The following ROBO2 variants were observed in gnomAD, a reference collection of about 807,000 sequenced individuals.
ROBO2 encodes roundabout homolog 2.
Under a neutral mutation model 160.8 loss-of-function variants are expected in ROBO2, and 53 were observed. The observed-to-expected ratio is 0.33, with a 90% confidence interval of 0.26 to 0.41. The LOEUF is 0.41. Ranked by LOEUF, ROBO2 falls within the 10% of genes least tolerant of loss-of-function variation. ROBO2 has a pLI of 1.00. For missense variants in ROBO2, 1,577 were observed against 1,722.4 expected, an observed-to-expected ratio of 0.92 and a Z score of 1.49; for synonymous variants, 664 against 611.7, an observed-to-expected ratio of 1.09 and a Z score of -1.26.
At chr3:77,361,668 G>A (rs2070018379) in intron 2 of ROBO2, among the ~76,000 whole-genome samples, 1 of 152,032 alleles carries the variant, frequency 6.6e-6, no homozygotes, top group Non-Finnish European at 1.5e-5. Context: ...CTTTTATAAG[G>A]ACACCCATTC....
At chr3:76,587,616 C>T (rs1440981011) in intron 2 of ROBO2, among the ~76,000 whole-genome samples, 1 of 152,170 alleles carries the variant, frequency 6.6e-6, no homozygotes, top group Non-Finnish European at 1.5e-5. Context: ...TCAATTATCT[C>T]CACCTGGTCC....
intron 2 of ROBO2, among the ~76,000 whole-genome samples, chr3:76,464,100 G>A (rs551258607): frequency 6.6e-6 from 1 of 152,094 alleles, no homozygotes; most frequent in Non-Finnish European, 1.5e-5. Flanking sequence ...TCACAGTCTG[G>A]TGCCTCTCAC....
Position 76,680,534 on chromosome 3 carries a change from TGCCAAAA to T in ROBO2, c.110-417477_110-417471del, listed in dbSNP as rs137927291. Among the ~76,000 whole-genome samples the T allele has an allele frequency of 6.8e-3, 1,039 of 152,186 alleles. 8 individuals are homozygous for T. The highest frequency in any genetic ancestry group is 0.023 in the African/African-American group (972 of 41,546). On this transcript the variant is annotated intron_variant, in intron 2 of 26. Transcript: ENST00000487694. ...ACAAATGCAGGAGAAGGTAGGCTGA[TGCCAAAA>T]GCTAGCATGTTTGGTGTCAACAGGT...
chr3:76,602,508 G>A (rs1211868115), intron 2 of ROBO2, among the ~76,000 whole-genome samples: 1 of 152,226 alleles, frequency 6.6e-6, no homozygotes, highest in Admixed American at 6.5e-5. Context: ...ATGGTGGAAG[G>A]TGAAAGACCC....
chr3:76,614,871 G>T (rs1005967716), intron 2 of ROBO2, among the ~76,000 whole-genome samples: 2 of 152,066 alleles, frequency 1.3e-5, no homozygotes, highest in African/African-American at 4.8e-5. Flanking sequence ...ACAAATCGGG[G>T]TGACATAGGA....
intron 2 of ROBO2, among the ~76,000 whole-genome samples, chr3:76,767,631 G>T (rs987540311): frequency 6.6e-6 from 1 of 151,458 alleles, no homozygotes; most frequent in Non-Finnish European, 1.5e-5. Context: ...AAAGAAAAGT[G>T]CATACAAAAG....
chr3:76,333,723 G>A (rs539003669), intron 2 of ROBO2, among the ~76,000 whole-genome samples: 1 of 152,032 alleles, frequency 6.6e-6, no homozygotes, highest in Non-Finnish European at 1.5e-5. Context: ...TGGTGTATAT[G>A]TGCCACATTT....
chr3:76,188,550 T>C (rs1182031410), intron 2 of ROBO2, among the ~76,000 whole-genome samples: 2 of 152,102 alleles, frequency 1.3e-5, no homozygotes, highest in Non-Finnish European at 2.9e-5. Context: ...ACTTCTACCC[T>C]CTAGAGTTGT....
At chr3:77,104,869 A>G (rs1248752753) in intron 2 of ROBO2, among the ~76,000 whole-genome samples, 2 of 152,182 alleles carry the variant, frequency 1.3e-5, no homozygotes, top group African/African-American at 2.4e-5. Flanking sequence ...TATGGAAACA[A>G]CGGATGGCCA....
intron 2 of ROBO2, among the ~76,000 whole-genome samples, chr3:76,793,587 A>T (rs1029430761): frequency 1.3e-5 from 2 of 151,818 alleles, no homozygotes; most frequent in African/African-American, 4.8e-5. Context: ...CATAATAGTG[A>T]ATTCTTTTTT....
In ROBO2 at chr3:77,389,090, G is replaced by A. The variant is rs148222047; in HGVS notation, c.389-88324G>A. Among the ~76,000 whole-genome samples the A allele has an allele frequency of 6.6e-3, 1,004 of 152,082 alleles. 11 individuals carry two copies. Among genetic ancestry groups the A allele is most frequent in the African/African-American group, 0.023 (959 of 41,474 alleles). On this transcript the variant is annotated intron_variant, in intron 2 of 25. Coordinates refer to ENST00000461745, the Ensembl canonical transcript of ROBO2. ...CTCCCGAGTAGCTGGGATTACAGCC[G>A]CCCGCCACCATGCCTGGTTAATTTT...
At chr3:76,886,059 C>T (rs1447727408) in intron 2 of ROBO2, among the ~76,000 whole-genome samples, 2 of 152,100 alleles carry the variant, frequency 1.3e-5, no homozygotes, top group Non-Finnish European at 2.9e-5. Context: ...GTTCATGCCG[C>T]CTTTTGAAGA....
intron 2 of ROBO2, among the ~76,000 whole-genome samples, chr3:76,930,815 G>A (rs1018994086): frequency 1.3e-5 from 2 of 152,172 alleles, no homozygotes; most frequent in African/African-American, 4.8e-5. Context: ...GCCCTCAGTG[G>A]ATTGGAAAAT....
intron 1 of ROBO2, among the ~76,000 whole-genome samples, chr3:77,043,374 T>C (rs1045800036): frequency 6.6e-6 from 1 of 152,220 alleles, no homozygotes; most frequent in African/African-American, 2.4e-5. Flanking sequence ...TATATTTGCA[T>C]TGATATTTGC....
chr3:77,580,578 TATC>T (rs1351833180), intron 16 of ROBO2, among the ~76,000 whole-genome samples: 7 of 152,160 alleles, frequency 4.6e-5, no homozygotes, highest in African/African-American at 1.7e-4. Context: ...TTAAATCTAA[TATC>T]ATCATTGCAT....
intron 2 of ROBO2, among the ~76,000 whole-genome samples, chr3:76,719,960 T>G (rs1325159898): frequency 6.6e-6 from 1 of 152,048 alleles, no homozygotes; most frequent in Non-Finnish European, 1.5e-5. Flanking sequence ...TGAGAACTTA[T>G]CAAATATGGG....
rs144760375 is a variant in ROBO2 at position 76,318,142 on chromosome 3, A to G, written c.109+380540A>G. On this transcript the variant is annotated intron_variant, in intron 2 of 26. Transcript: ENST00000487694. ...AGGGAAAAAATTGGAAAGAGTTTTG[A>G]TGTATTCTTCATATTAGAAAAGTAG... Among the ~76,000 whole-genome samples, 557 of 152,230 alleles carry G rather than the reference A, an allele frequency of 3.7e-3. 4 individuals carry two copies. Among genetic ancestry groups the G allele is most frequent in the African/African-American group, 0.012 (510 of 41,550 alleles).
intron 19 of ROBO2, among the ~76,000 whole-genome samples, chr3:77,597,719 A>C (rs560369492): frequency 1.3e-5 from 2 of 152,332 alleles, no homozygotes; most frequent in Non-Finnish European, 2.9e-5. Context: ...TATGGAAAAA[A>C]AAAAGTGTTT....
intron 16 of ROBO2, among the ~76,000 whole-genome samples, chr3:77,585,893 G>A (rs2094034099): frequency 6.6e-6 from 1 of 152,072 alleles, no homozygotes; most frequent in African/African-American, 2.4e-5. Flanking sequence ...GGCACTTGAA[G>A]TGACTCAAAC....
Sources: gnomAD v4.1 joint callset for allele counts (sites outside exome capture counted in the v4.1 genomes callset) on GRCh38, gnomAD v4.1.1 for gene constraint, MANE v1.5 for transcripts, NCBI Gene and HGNC (gene_info 2026-07-23, HGNC 2026-07-21) for gene names.